Variants in CDH18 observed in about 807,000 individuals in gnomAD.
CDH18 encodes the protein cadherin 18, also known as cadherin-18.
A neutral mutation model predicts 67.9 loss-of-function variants in CDH18; 31 were observed. The ratio of observed to expected loss-of-function variants is 0.46; its 90% confidence interval spans 0.34 to 0.62. The LOEUF (loss-of-function observed/expected upper bound fraction) is 0.62. CDH18 is among the 20% of genes least tolerant of loss of function. The pLI is 0.01. For synonymous variants in CDH18, 362 were observed against 347.2 expected (o/e 1.04, Z -0.48); for missense variants, 890 against 975.5 (o/e 0.91, Z 1.17).
intron 2 of CDH18, among the ~76,000 whole-genome samples, chr5:19,994,232 T>C (rs931724122): frequency 6.6e-6 from 1 of 151,328 alleles, no homozygotes; most frequent in Non-Finnish European, 1.5e-5. Context: ...TGCATACATG[T>C]ATATACACAC....
intron 2 of CDH18, among the ~76,000 whole-genome samples, chr5:20,145,023 T>C (rs911916573): frequency 3.9e-5 from 6 of 152,142 alleles, no homozygotes; most frequent in Admixed American, 6.5e-5. Context: ...CTTTGACTTC[T>C]AGCCTCCAGA....
At chr5:19,734,677 C>T (rs938592825) in intron 4 of CDH18, among the ~76,000 whole-genome samples, 25 of 152,144 alleles carry the variant, frequency 1.6e-4, no homozygotes, top group African/African-American at 6.0e-4. Context: ...ATGTTTAGGG[C>T]TATACATTTG....
intron 2 of CDH18, among the ~76,000 whole-genome samples, chr5:19,944,708 T>G (rs898118029): frequency 6.6e-6 from 1 of 152,200 alleles, no homozygotes; most frequent in Non-Finnish European, 1.5e-5. Flanking sequence ...TTCTTCAATA[T>G]GTATTACACA....
At chr5:19,993,104 G>T (rs188180040), upstream of CDH18, among the ~76,000 whole-genome samples, 137 of 152,224 alleles carry the variant, frequency 9.0e-4, no homozygotes, top group African/African-American at 3.2e-3. Flanking sequence ...AGTATATTTG[G>T]ATGAAGAACT....
intron 11 of CDH18, among the ~76,000 whole-genome samples, chr5:19,484,401 C>G (rs988521566): frequency 2.6e-5 from 4 of 152,162 alleles, no homozygotes; most frequent in African/African-American, 9.7e-5. Flanking sequence ...TGTCACATTG[C>G]CTCATCTACA....
intron 5 of CDH18, among the ~76,000 whole-genome samples, chr5:19,707,487 C>G (rs1764120777): frequency 6.6e-6 from 1 of 152,176 alleles, no homozygotes; most frequent in Non-Finnish European, 1.5e-5. Flanking sequence ...TGGAGGTATA[C>G]ACTAATGATA....
At chr5:19,554,264 G>T (rs1458864002) in intron 8 of CDH18, among the ~76,000 whole-genome samples, 1 of 152,152 alleles carries the variant, frequency 6.6e-6, no homozygotes. Context: ...TGGTATTTAT[G>T]ACTCTAAGTA....
At chr5:20,467,569 G>A (rs887036032) in intron 1 of CDH18, among the ~76,000 whole-genome samples, 5 of 152,152 alleles carry the variant, frequency 3.3e-5, no homozygotes, top group Non-Finnish European at 7.3e-5. Flanking sequence ...AGAGAAGTGA[G>A]AAGGCTTTAT....
At chr5:19,998,399 G>T (rs1736178415) in intron 2 of CDH18, among the ~76,000 whole-genome samples, 1 of 152,122 alleles carries the variant, frequency 6.6e-6, no homozygotes. Flanking sequence ...TCATTAATCT[G>T]GCTAGAGCAT....
At chr5:19,824,038 C>CA (rs145801510) in intron 3 of CDH18, among the ~76,000 whole-genome samples, 12,269 of 148,718 alleles carry the variant, frequency 0.082, 507 homozygotes, top group African/African-American at 0.094. Flanking sequence ...AATAGAAATA[C>CA]AAAAAAAAAT....
intron 2 of CDH18, among the ~76,000 whole-genome samples, chr5:19,966,353 C>T (rs2150320290): frequency 6.6e-6 from 1 of 152,146 alleles, no homozygotes; most frequent in Non-Finnish European, 1.5e-5. Flanking sequence ...TCTTTAATCA[C>T]TAAAAGTATG....
chr5:20,325,444 A>G (rs929629365), intron 1 of CDH18, among the ~76,000 whole-genome samples: 5 of 152,172 alleles, frequency 3.3e-5, no homozygotes, highest in African/African-American at 7.2e-5. Context: ...TGTTAATTCA[A>G]TGGAATGGCA....
intron 2 of CDH18, among the ~76,000 whole-genome samples, chr5:20,130,517 A>T (rs1410621041): frequency 1.3e-5 from 2 of 151,830 alleles, no homozygotes; most frequent in Non-Finnish European, 2.9e-5. Context: ...TCTAAAAATT[A>T]CCATCATGGC....
chr5:20,282,167 A>T (rs1451352172), intron 1 of CDH18, among the ~76,000 whole-genome samples: 1 of 152,180 alleles, frequency 6.6e-6, no homozygotes, highest in African/African-American at 2.4e-5. Context: ...AAACAGAGAC[A>T]ATTTGACTTC....
chr5:20,073,187 A>G (rs1743634807), intron 2 of CDH18, among the ~76,000 whole-genome samples: 1 of 152,006 alleles, frequency 6.6e-6, no homozygotes, highest in African/African-American at 2.4e-5. Context: ...TGAGAGTATC[A>G]TTTTCAAATT....
intron 1 of CDH18, among the ~76,000 whole-genome samples, chr5:19,984,709 T>A (rs1408786490): frequency 6.6e-6 from 1 of 152,198 alleles, no homozygotes; most frequent in Non-Finnish European, 1.5e-5. Flanking sequence ...CCTATTATCA[T>A]CACCTTTTAT....
At chr5:20,505,621 A>G (rs1754609599) in intron 1 of CDH18, among the ~76,000 whole-genome samples, 1 of 152,202 alleles carries the variant, frequency 6.6e-6, no homozygotes, top group Admixed American at 6.5e-5. Context: ...TCTTTCACAC[A>G]TACACATACA....
chr5:19,554,065 T>A (rs1737940372), intron 8 of CDH18, among the ~76,000 whole-genome samples: 2 of 152,212 alleles, frequency 1.3e-5, no homozygotes, highest in African/African-American at 2.4e-5. Flanking sequence ...GAGAAAATAA[T>A]CTTTCTAAAA....
chr5:19,726,868 G>C (rs951524788), intron 4 of CDH18, among the ~76,000 whole-genome samples: 5 of 152,130 alleles, frequency 3.3e-5, no homozygotes, highest in South Asian at 4.1e-4. Flanking sequence ...CCGTGTGAGA[G>C]CAGATCCCTC....
Sources: allele counts gnomAD v4.1 joint callset (sites outside exome capture counted in the v4.1 genomes callset), GRCh38; gene constraint gnomAD v4.1.1; transcripts MANE v1.5; gene names NCBI Gene and HGNC (gene_info 2026-07-23, HGNC 2026-07-21).